WASHC5: variants seen among roughly 807,000 people sequenced by gnomAD.
The protein encoded by WASHC5 is WASH complex subunit 5.
In WASHC5, 101 loss-of-function variants were observed where a neutral mutation model predicts 150.4. The observed-to-expected ratio is 0.67, with a 90% confidence interval of 0.57 to 0.79. WASHC5 has a LOEUF of 0.79. WASHC5 is among the 30% of genes least tolerant of loss of function. The pLI, the probability that WASHC5 is intolerant of heterozygous loss-of-function variation, is 0.00. For synonymous variants in WASHC5, 467 were observed against 491.2 expected, an observed-to-expected ratio of 0.95 and a Z score of 0.65; for missense variants, 1,195 against 1,396.3, an observed-to-expected ratio of 0.86 and a Z score of 2.30.
intron 23 of WASHC5, among the ~76,000 whole-genome samples, chr8:125,041,109 G>C (rs1815871410): frequency 6.6e-6 from 1 of 152,174 alleles, no homozygotes; most frequent in Admixed American, 6.5e-5. Context: ...GATAGGAAGC[G>C]ATCTTTGGGT....
At chr8:125,075,337 T>C (rs755307218) in intron 7 of WASHC5, among the ~76,000 whole-genome samples, 2 of 152,198 alleles carry the variant, frequency 1.3e-5, no homozygotes, top group African/African-American at 2.4e-5. Flanking sequence ...CCTATTAACG[T>C]TGCTTTTTGA....
intron 27 of WASHC5, among the ~76,000 whole-genome samples, chr8:125,031,265 G>C (rs1815526880): frequency 6.6e-6 from 1 of 152,040 alleles, no homozygotes; most frequent in African/African-American, 2.4e-5. Flanking sequence ...GGACTTAGAA[G>C]ATCACTTTGG....
At chr8:125,042,157 G>T (rs1168451537) in intron 23 of WASHC5, among the ~76,000 whole-genome samples, 1 of 152,226 alleles carries the variant, frequency 6.6e-6, no homozygotes, top group Non-Finnish European at 1.5e-5. Context: ...GCCTGGGATG[G>T]ATGAGAAACT....
At chr8:125,035,217 A>C (rs2129974653) in intron 26 of WASHC5, among the ~76,000 whole-genome samples, 1 of 152,308 alleles carries the variant, frequency 6.6e-6, no homozygotes, top group South Asian at 2.1e-4. Context: ...TAAACACCAC[A>C]TTTCTAGGAT....
At chr8:125,054,372 C>T (rs1197735767) in intron 17 of WASHC5, among the ~76,000 whole-genome samples, 1 of 152,126 alleles carries the variant, frequency 6.6e-6, no homozygotes, top group African/African-American at 2.4e-5. Context: ...TCAAATAATG[C>T]CATATGCTAA....
intron 23 of WASHC5, among the ~76,000 whole-genome samples, chr8:125,041,870 G>A (rs774640670): frequency 5.9e-5 from 9 of 152,148 alleles, no homozygotes; most frequent in Non-Finnish European, 1.2e-4. Flanking sequence ...TTAGAATGCA[G>A]CAAATCCAAG....
chr8:125,065,163 T>C (rs16900320), intron 10 of WASHC5, among the ~76,000 whole-genome samples: 4,582 of 152,126 alleles, frequency 0.03, 240 homozygotes, highest in African/African-American at 0.1. Flanking sequence ...ATATAAAGAT[T>C]AGAAAAAACA....
intron 1 of WASHC5, among the ~76,000 whole-genome samples, chr8:125,087,383 A>C (rs564458452): frequency 6.6e-6 from 1 of 152,118 alleles, no homozygotes; most frequent in Non-Finnish European, 1.5e-5. Flanking sequence ...TGTCCTAAAA[A>C]CCACTAGAAG....
At chr8:125,048,152 C>T (rs1430828304) in intron 19 of WASHC5, among the ~76,000 whole-genome samples, 1 of 152,172 alleles carries the variant, frequency 6.6e-6, no homozygotes, top group Admixed American at 6.5e-5. Context: ...TAAGATGAGA[C>T]ATGGGAACTT....
At position 125,032,306 on chromosome 8, in the gene WASHC5, C is replaced by T; in HGVS notation, c.3270G>A (p.Arg1090=). The T allele has an allele frequency of 2.5e-6, 4 of 1,614,166 alleles. No individual in the cohort carries two copies. Among genetic ancestry groups the T allele is most frequent in the Non-Finnish European group, 3.4e-6 (4 of 1,180,030 alleles). The change falls in exon 27 of 29, where the codon CGG becomes CGA. Residue 1090 remains arginine (R), a synonymous_variant. Coordinates refer to ENST00000318410, the MANE Select transcript of WASHC5 (RefSeq NM_014846.4). ...TCAGCGCCAGGAACTGCTCGGTGTA[C>T]CGGGAATGGAACTGCTTCAGCAGAG... ...LLTLLKQFHS[R]YTEQFLALIG...
chr8:125,036,401 A>G (rs1330671131), intron 26 of WASHC5, among the ~76,000 whole-genome samples: 1 of 152,234 alleles, frequency 6.6e-6, no homozygotes, highest in Non-Finnish European at 1.5e-5. Context: ...GCTGGGCACA[A>G]TGGCTCACGC....
At chr8:125,027,003 T>C (rs1815395194) in intron 28 of WASHC5, among the ~76,000 whole-genome samples, 1 of 152,176 alleles carries the variant, frequency 6.6e-6, no homozygotes, top group South Asian at 2.1e-4. Flanking sequence ...AACATGGACT[T>C]TCAAATTTTA....
At chr8:125,034,469 C>CT (rs1202671755) in intron 26 of WASHC5, among the ~76,000 whole-genome samples, 2 of 152,074 alleles carry the variant, frequency 1.3e-5, no homozygotes, top group East Asian at 3.9e-4. Flanking sequence ...CGCTACTGCA[C>CT]TTCAGCCTGG....
intron 22 of WASHC5, 31 bp downstream of exon 22, chr8:125,043,961 T>C (rs768643408): frequency 6.5e-5 from 93 of 1,440,670 alleles, no homozygotes. Flanking sequence ...TACAGTGTCA[T>C]CCCCGCCTCA....
chr8:125,078,141 C>T (rs6470331), intron 6 of WASHC5, among the ~76,000 whole-genome samples: 16,585 of 152,036 alleles, frequency 0.11, 2,131 homozygotes, highest in African/African-American at 0.31. Flanking sequence ...TTTTATTTGG[C>T]GTTTTTTAAA....
chr8:125,032,169 A>G, intron 27 of WASHC5, 72 bp downstream of exon 27: 2 of 1,532,278 alleles, frequency 1.3e-6, no homozygotes, highest in East Asian at 4.5e-5. Context: ...GATAAGAGGA[A>G]TTTGGTAATG....
chr8:125,055,783 G>A, intron 16 of WASHC5, 112 bp from the exon 17 acceptor site: 1 of 763,112 alleles, frequency 1.3e-6, no homozygotes, highest in South Asian at 1.4e-5. Flanking sequence ...ACATATTCTG[G>A]ACAGAAATGA....
intron 15 of WASHC5, 28 bp from the exon 16 acceptor site, chr8:125,056,845 C>T (rs754108037): frequency 1.9e-6 from 3 of 1,613,840 alleles, no homozygotes; most frequent in East Asian, 2.2e-5. Flanking sequence ...GCAGGAAACG[C>T]AATGAACATC....
intron 6 of WASHC5, among the ~76,000 whole-genome samples, chr8:125,077,482 G>A (rs1248606393): frequency 6.6e-6 from 1 of 152,190 alleles, no homozygotes; most frequent in South Asian, 2.1e-4. Context: ...ACCAGGGATG[G>A]GGGAGGTGCA....
Sources: allele counts gnomAD v4.1 joint callset (sites outside exome capture counted in the v4.1 genomes callset), GRCh38; gene constraint gnomAD v4.1.1; transcripts MANE v1.5; gene names NCBI Gene and HGNC (gene_info 2026-07-23, HGNC 2026-07-21).